COQ6: variants seen among roughly 807,000 people sequenced by gnomAD.
The protein encoded by COQ6 is ubiquinone biosynthesis monooxygenase COQ6, mitochondrial.
COQ6 carries 45 observed loss-of-function variants against 55.5 expected under a neutral mutation model. That is an observed-to-expected ratio of 0.81 (90% confidence interval 0.64 to 1.04). The LOEUF (loss-of-function observed/expected upper bound fraction) is 1.04, where lower values mean the gene tolerates loss of function less well. Ranked by LOEUF, COQ6 falls within the 50% of genes least tolerant of loss-of-function variation. The pLI is 0.00. For synonymous variants in COQ6, 206 were observed against 230.5 expected (o/e 0.89, Z 0.96); for missense variants, 550 against 601.3 (o/e 0.91, Z 0.89).
chr14:73,955,641 G>A (rs770807481), intron 3 of COQ6, 132 bp downstream of exon 3: 6 of 1,354,942 alleles, frequency 4.4e-6, no homozygotes, highest in Non-Finnish European at 5.3e-6. Context: ...AGGAAGTGGG[G>A]AGAAGCATTC....
chr14:73,960,007 A>AC, intron 8 of COQ6: 1 of 1,029,008 alleles, frequency 9.7e-7, no homozygotes, highest in Non-Finnish European at 1.2e-6. Context: ...ATAAATAATA[A>AC]CCTTTTGAGG....
upstream of COQ6, chr14:73,949,998 G>A: frequency 6.2e-7 from 1 of 1,613,304 alleles, no homozygotes; most frequent in South Asian, 1.1e-5. Context: ...CGCGCCTCCG[G>A]GGGCTCCCTC....
chr14:73,955,402 C>A, intron 2 of COQ6, 49 bp from the exon 3 acceptor site: 2 of 1,441,376 alleles, frequency 1.4e-6, no homozygotes, highest in Non-Finnish European at 2.0e-6. Flanking sequence ...CAAGGGGGAG[C>A]CCAGGTCCTT....
At position 73,961,825 on chromosome 14, in the gene COQ6, C is replaced by A; in HGVS notation, c.1299C>A (p.Leu433=). The A allele has an allele frequency of 6.2e-7, 1 of 1,614,228 alleles. No homozygotes were observed. The highest frequency in any genetic ancestry group is 1.3e-5 in the African/African-American group (1 of 75,062). The change falls in exon 11 of 12, where the codon CTC becomes CTA. Residue 433 remains leucine (L), a synonymous_variant. Coordinates refer to ENST00000334571, the MANE Select transcript of COQ6 (RefSeq NM_182476.3). The part of the protein sequence containing the change: ...LLAATDLLKR[L]YSTSASPLVL... ...CTGCTACAGACTTACTAAAAAGGCT[C>A]TATTCTACCAGTGCCTCCCCGCTTG...
At chr14:73,961,620 C>T in intron 10 of COQ6, 50 bp downstream of exon 10, 1 of 1,606,412 alleles carries the variant, frequency 6.2e-7, no homozygotes, top group Non-Finnish European at 8.5e-7. Context: ...TATAGTTAGG[C>T]AAGATCAGGG....
intron 3 of COQ6, 105 bp from the exon 4 acceptor site, chr14:73,955,700 C>T (rs745599400): frequency 1.2e-5 from 19 of 1,557,052 alleles, no homozygotes; most frequent in Non-Finnish European, 1.2e-5. Flanking sequence ...GAGAGGCTGA[C>T]AAATTGTGAT....
rs762957015 is a variant in COQ6 at position 73,955,942 on chromosome 14, C to A, written c.481+14C>A. On this transcript the variant is annotated intron_variant, in intron 4 of 11. Coordinates refer to ENST00000334571, the MANE Select transcript of COQ6 (RefSeq NM_182476.3). The stretch of plus-strand genomic sequence containing the variant: ...AGGCTGTGTCTGGTGAGGCCCCCAT[C>A]TTCCACCTTGCATTCATTGGGAAGT... 1 of 1,613,930 alleles carries A rather than the reference C, an allele frequency of 6.2e-7. No individual in the cohort carries two copies. Among genetic ancestry groups the A allele is most frequent in the Non-Finnish European group, 8.5e-7 (1 of 1,180,010 alleles).
chr14:73,950,601 T>A, intron 1 of COQ6, 106 bp downstream of exon 1: 1 of 1,451,622 alleles, frequency 6.9e-7, no homozygotes, highest in Non-Finnish European at 9.2e-7. Flanking sequence ...TTCTCAGGTC[T>A]CGCGACGCTT....
chr14:73,949,975 G>A (rs145276174), upstream of COQ6: 4 of 1,613,456 alleles, frequency 2.5e-6, no homozygotes, highest in African/African-American at 4.0e-5. Context: ...CTCCTCACCT[G>A]ACGGCTCCCC....
In COQ6 at chr14:73,960,636, A is replaced by T. The variant is rs569909497; in HGVS notation, c.892-537A>T. 1.1e-4 allele frequency: 111 copies of T among 1,029,874 alleles called. No individual in the cohort carries two copies. In the East Asian group the frequency reaches 6.1e-3, roughly 57 times the overall value. The allele number at this position is 1,029,874 out of a possible 1,614,324, so 63.8% of individuals were successfully genotyped here. A position where few individuals can be genotyped will look rare whatever the true frequency, so the allele number is the denominator to read the frequency against. ...TTTCTATGTAGCAGGCTCTGGAGAT[A>T]CTGAGAACAGTCTCCGCTTTCAGGA... On this transcript the variant is annotated intron_variant, in intron 8 of 11. Transcript: ENST00000334571.
intron 1 of COQ6, among the ~76,000 whole-genome samples, chr14:73,952,970 C>T (rs184904921): frequency 2.0e-5 from 3 of 152,272 alleles, no homozygotes; most frequent in East Asian, 1.9e-4. Context: ...GCCACCGCAC[C>T]GGCCTTTATA....
intron 5 of COQ6, chr14:73,958,605 C>G: frequency 7.8e-7 from 1 of 1,288,162 alleles, no homozygotes; most frequent in Non-Finnish European, 9.9e-7. Context: ...TTTCTCCTTT[C>G]TGCTCACAAG....
chr14:73,958,109 C>A (rs772007456), intron 4 of COQ6, 38 bp from the exon 5 acceptor site: 1 of 1,566,276 alleles, frequency 6.4e-7, no homozygotes, highest in African/African-American at 1.4e-5. Flanking sequence ...ATGTGGCCCA[C>A]CTTTCTAATT....
Position 73,963,279 on chromosome 14 carries a change from T to G in COQ6, c.*280T>G. 1 of 519,784 alleles carries G rather than the reference T, an allele frequency of 1.9e-6. No individual in the cohort carries two copies. Among genetic ancestry groups the G allele is most frequent in the South Asian group, 3.2e-5 (1 of 30,892 alleles). The allele number at this position is 519,784 out of a possible 1,614,324, so 32.2% of individuals were successfully genotyped here. On this transcript the variant is annotated 3_prime_UTR_variant, in exon 12 of 12. Coordinates refer to ENST00000334571, the MANE Select transcript of COQ6 (RefSeq NM_182476.3). Reference sequence around the variant, plus strand: ...ACTAAAAAACCCACAAGGTGCTGTCTCACTCATTTCCAGTTAATCATTTCT... The same window carrying G: ...ACTAAAAAACCCACAAGGTGCTGTCGCACTCATTTCCAGTTAATCATTTCT...
chr14:73,959,361 G>T (rs766903343), intron 7 of COQ6, 54 bp from the exon 8 acceptor site: 49 of 1,614,036 alleles, frequency 3.0e-5, no homozygotes, highest in Non-Finnish European at 4.1e-5. Flanking sequence ...ATGCTTGAGA[G>T]TTTCCAAGTG....
intron 3 of COQ6, 127 bp downstream of exon 3, chr14:73,955,636 G>T (rs778143191): frequency 2.2e-6 from 3 of 1,342,772 alleles, no homozygotes; most frequent in Non-Finnish European, 3.2e-6. Context: ...GTCCGAGGAA[G>T]TGGGGAGAAG....
Position 73,961,728 on chromosome 14 carries a change from G to A in COQ6, c.1211-9G>A, listed in dbSNP as rs982199566. 6 of 1,613,982 alleles carry A rather than the reference G, an allele frequency of 3.7e-6. No homozygotes were observed. In the Admixed American group the frequency reaches 5.0e-5, roughly 13 times the overall value. On this transcript the variant is annotated splice_polypyrimidine_tract_variant and intron_variant, in intron 10 of 11. Coordinates refer to ENST00000334571, the MANE Select transcript of COQ6 (RefSeq NM_182476.3). ...GGATTAGGGATTTAATCTTTCCTCT[G>A]CCCTTCAGGTTCCGTGAGCCACCTC...
intron 4 of COQ6, 168 bp from the exon 5 acceptor site, chr14:73,957,979 C>CT (rs772532297): frequency 3.0e-6 from 2 of 662,450 alleles, no homozygotes; most frequent in Non-Finnish European, 5.4e-6. Context: ...ATCTCTGTGG[C>CT]TTCTGTCATT....
intron 8 of COQ6, 72 bp downstream of exon 8, chr14:73,959,594 T>C (rs2056613790): frequency 6.2e-7 from 1 of 1,606,300 alleles, no homozygotes; most frequent in African/African-American, 1.3e-5. Flanking sequence ...TTTTTTTTTT[T>C]GAAACGGATC....
Sources: allele counts gnomAD v4.1 joint callset (sites outside exome capture counted in the v4.1 genomes callset), GRCh38; gene constraint gnomAD v4.1.1; transcripts MANE v1.5; gene names NCBI Gene and HGNC (gene_info 2026-07-23, HGNC 2026-07-21).